The following PCNT variants were observed in gnomAD, a reference collection of about 807,000 sequenced individuals.
PCNT encodes the protein pericentrin, also known as kendrin.
In PCNT, 319 loss-of-function variants were observed where a neutral mutation model predicts 380.4. That is an observed-to-expected ratio of 0.84 (90% CI 0.77 to 0.92). PCNT has a LOEUF of 0.92. Among genes scored for constraint, PCNT ranks in the 40% least tolerant of loss-of-function variants. PCNT has a pLI of 0.00. For synonymous variants in PCNT, 1,845 were observed against 1,735.2 expected, an observed-to-expected ratio of 1.06 and a Z score of -1.57; for missense variants, 4,400 against 4,255.3, an observed-to-expected ratio of 1.03 and a Z score of -0.95.
At chr21:46,348,729 C>T (rs553003423) in intron 6 of PCNT, among the ~76,000 whole-genome samples, 12 of 152,306 alleles carry the variant, frequency 7.9e-5, no homozygotes, top group African/African-American at 2.9e-4. Context: ...ATCCTCCTGC[C>T]TCAGCCTCCC....
intron 11 of PCNT, among the ~76,000 whole-genome samples, chr21:46,355,126 C>T (rs1423473948): frequency 1.3e-5 from 2 of 152,190 alleles, no homozygotes; most frequent in South Asian, 2.1e-4. Context: ...GCGAGGGGCA[C>T]GTGCCCTACC....
At chr21:46,339,289 G>A (rs1421160126) in intron 3 of PCNT, among the ~76,000 whole-genome samples, 2 of 152,172 alleles carry the variant, frequency 1.3e-5, no homozygotes, top group Non-Finnish European at 2.9e-5. Context: ...GCTTGCCGGT[G>A]GTTTCGCTCT....
chr21:46,426,292 A>G (rs2087502778), intron 33 of PCNT, among the ~76,000 whole-genome samples: 1 of 151,782 alleles, frequency 6.6e-6, no homozygotes, highest in South Asian at 2.1e-4. Flanking sequence ...TCAGCCTCCC[A>G]AAGTGCTGGG....
At position 46,427,725 on chromosome 21, in the gene PCNT, G is replaced by C. The variant is rs149779006; in HGVS notation, c.7424G>C (p.Arg2475Pro). Residue 2475 changes from arginine (R) to proline (P), a missense_variant, in exon 34 of 47, where the codon CGA becomes CCA. By Grantham distance (103) the Arg-to-Pro change is moderately radical. Transcript: ENST00000359568. ...QEMQGVELQPRLSGSDLGGHS... is the reference protein window; with the variant it reads ...QEMQGVELQPPLSGSDLGGHS... ...ATGCAGGGGGTTGAGCTGCAGCCCC[G>C]ACTCAGTGGCTCAGATCTGGGGGGT... 2 of 1,613,758 alleles carry C rather than the reference G, an allele frequency of 1.2e-6. No individual in the cohort carries two copies. The highest frequency in any genetic ancestry group is 2.2e-5 in the South Asian group (2 of 91,080).
At chr21:46,434,790 A>ATGTTCACATGCACAAATGTGCC (rs1762260894) in intron 38 of PCNT, among the ~76,000 whole-genome samples, 8 of 152,204 alleles carry the variant, frequency 5.3e-5, no homozygotes, top group Admixed American at 5.2e-4. Flanking sequence ...ACGTGTGTGC[A>ATGTTCACATGCACAAATGTGCC]TGTTCACATG....
At chr21:46,410,963 C>T (rs1355209067) in intron 27 of PCNT, among the ~76,000 whole-genome samples, 2 of 152,214 alleles carry the variant, frequency 1.3e-5, no homozygotes, top group African/African-American at 2.4e-5. Context: ...ATTAGAGCTT[C>T]GTCCCACGAT....
chr21:46,443,504 C>T (rs2053666340), intron 44 of PCNT, among the ~76,000 whole-genome samples: 2 of 152,194 alleles, frequency 1.3e-5, no homozygotes, highest in Admixed American at 1.3e-4. Context: ...CTCCAGGGTT[C>T]CTGCCCCTCC....
At chr21:46,404,053 C>T (rs7283999) in intron 27 of PCNT, among the ~76,000 whole-genome samples, 1 of 132,698 alleles carries the variant, frequency 7.5e-6, no homozygotes. Flanking sequence ...GGCGCGTGCT[C>T]GGTGAATGAA....
intron 30 of PCNT, among the ~76,000 whole-genome samples, chr21:46,417,267 C>T (rs970332887): frequency 1.4e-5 from 2 of 140,952 alleles, no homozygotes; most frequent in Admixed American, 7.7e-5. Flanking sequence ...AATCTCGGCT[C>T]ACTGCAGCCT....
chr21:46,430,575 A>T lies in PCNT; in HGVS notation c.7982A>T (p.Lys2661Met). 1 of 1,561,714 alleles carries T rather than the reference A, an allele frequency of 6.4e-7. No individual in the cohort carries two copies. Residue 2661 changes from lysine to methionine, a missense_variant, in exon 37 of 47, where the codon AAG becomes ATG. Physicochemically the swap from Lys to Met is moderately conservative, Grantham distance 95. Coordinates refer to ENST00000359568, the MANE Select transcript of PCNT (RefSeq NM_006031.6). ...CAGGAGCTGGAGAGTGAGCAGGGGAAGGGGCGTGCCCTGCAGAGCCAGCTG... is the reference window on the plus strand; with the variant it reads ...CAGGAGCTGGAGAGTGAGCAGGGGATGGGGCGTGCCCTGCAGAGCCAGCTG... ...ALQELESEQG[K>M]GRALQSQLEE...
intron 3 of PCNT, among the ~76,000 whole-genome samples, chr21:46,337,875 C>T (rs899337540): frequency 2.0e-5 from 3 of 151,880 alleles, no homozygotes; most frequent in Non-Finnish European, 2.9e-5. Flanking sequence ...TGAGCCACCG[C>T]GCAGACTGTT....
At chr21:46,403,662 C>T (rs1341390996) in intron 27 of PCNT, among the ~76,000 whole-genome samples, 2 of 127,292 alleles carry the variant, frequency 1.6e-5, no homozygotes, top group South Asian at 2.7e-4. Context: ...ATGAACACAG[C>T]GTGGGAGAAT....
rs1477965015 is a variant in PCNT at position 46,416,430 on chromosome 21, C to T, written c.6512C>T (p.Pro2171Leu). The change falls in exon 30 of 47, where the codon CCA becomes CTA. Residue 2171 changes from proline (P) to leucine (L), a missense_variant. Transcript: ENST00000359568. The part of the protein sequence containing the change: ...DVIKNWDSLI[P>L]DEMPDSPIQE... ...ATCAAAAATTGGGATTCCTTGATAC[C>T]AGATGAAATGCCAGATTCTCCCATT... 2 of 1,614,176 alleles carry T rather than the reference C, an allele frequency of 1.2e-6. No individual in the cohort carries two copies. The highest frequency in any genetic ancestry group is 2.7e-5 in the African/African-American group (2 of 75,050).
rs758636838 is a variant in PCNT, at chr21:46,427,758, C to T, written c.7457C>T (p.Ser2486Phe). ...LSGSDLGGHSSLLERLEKIIR... is the reference protein window; with the variant it reads ...LSGSDLGGHSFLLERLEKIIR... ...GGCTCAGATCTGGGGGGTCACAGCT[C>T]CCTGCTCGAAAGGCTGGAGAAGATC... is the stretch of plus-strand genomic sequence containing the variant. The change falls in exon 34 of 47, where the codon TCC (serine) becomes TTC (phenylalanine). Residue 2486 changes from serine (S) to phenylalanine (F), a missense_variant. Physicochemically the swap from Ser to Phe is radical, Grantham distance 155. Transcript: ENST00000359568. 1.2e-6 allele frequency: 2 copies of T among 1,613,706 alleles called. No homozygotes were observed. Among genetic ancestry groups the T allele is most frequent in the Non-Finnish European group, 1.7e-6 (2 of 1,180,018 alleles).
At chr21:46,353,016 C>T (rs1206956792) in intron 9 of PCNT, 88 bp from the exon 10 acceptor site, 5 of 1,086,230 alleles carry the variant, frequency 4.6e-6, no homozygotes, top group Non-Finnish European at 7.0e-6. Context: ...GTTCTGCCCC[C>T]ACCACAGGTA....
Position 46,401,704 on chromosome 21 carries a change from C to T in PCNT, c.4945C>T (p.Leu1649=). The change falls in exon 26 of 47, where the codon CTG becomes TTG. Residue 1649 remains leucine, a synonymous_variant. Transcript: ENST00000359568. ...IQLEVTQRAL[L]RRESEVLDLK... is the part of the protein sequence containing the mutation. ...GTTAGAGGTGACACAGAGAGCACTC[C>T]TGCGGCGCGAGAGCGAGGTGAGTGC... is the stretch of plus-strand genomic sequence containing the variant. 6.2e-7 allele frequency: 1 copy of T among 1,613,960 alleles called. No individual in the cohort carries two copies. The highest frequency in any genetic ancestry group is 1.7e-5 in the Admixed American group (1 of 59,986).
At chr21:46,402,846 T>C (rs2086473965) in intron 27 of PCNT, among the ~76,000 whole-genome samples, 2 of 152,230 alleles carry the variant, frequency 1.3e-5, no homozygotes, top group African/African-American at 4.8e-5. Context: ...AGTAAGTGGC[T>C]ACTCACTGTT....
At chr21:46,380,145 A>ATTTTTTTTTTTT (rs552854585) in intron 15 of PCNT, among the ~76,000 whole-genome samples, 3 of 59,686 alleles carry the variant, frequency 5.0e-5, no homozygotes, top group African/African-American at 2.4e-4. Flanking sequence ...CCTGGGGTAG[A>ATTTTTTTTTTTT]TTTTTTTTTT....
At chr21:46,378,529 C>G (rs114928660) in intron 15 of PCNT, among the ~76,000 whole-genome samples, 5,834 of 152,014 alleles carry the variant, frequency 0.038, 163 homozygotes, top group Middle Eastern at 0.082. Context: ...TGGATAACGC[C>G]GGACAGAAGG....
Sources: allele counts gnomAD v4.1 joint callset (sites outside exome capture counted in the v4.1 genomes callset), GRCh38; gene constraint gnomAD v4.1.1; transcripts MANE v1.5; gene names NCBI Gene and HGNC (gene_info 2026-07-23, HGNC 2026-07-21).